PALM2AKAP2: variants seen among roughly 807,000 people sequenced by gnomAD.
PALM2AKAP2 encodes the protein PALM2-AKAP2 fusion protein.
In PALM2AKAP2, 37 loss-of-function variants were observed where a neutral mutation model predicts 71.5. The ratio of observed to expected loss-of-function variants is 0.52; its 90% confidence interval spans 0.40 to 0.68. PALM2AKAP2 has a LOEUF of 0.68. PALM2AKAP2 is among the 30% of genes least tolerant of loss of function. PALM2AKAP2 has a pLI of 0.00. For synonymous variants in PALM2AKAP2, 468 were observed against 478.8 expected (o/e 0.98, Z 0.29); for missense variants, 1,224 against 1,191.8 (o/e 1.03, Z -0.40).
At chr9:109,908,767 G>A (rs989575913) in intron 3 of PALM2AKAP2, among the ~76,000 whole-genome samples, 6 of 151,900 alleles carry the variant, frequency 3.9e-5, no homozygotes, top group African/African-American at 1.5e-4. Flanking sequence ...CCCAGTTTGG[G>A]CATTTGTGAA....
intron 1 of PALM2AKAP2, among the ~76,000 whole-genome samples, chr9:110,101,652 G>A (rs1006306031): frequency 2.6e-5 from 4 of 152,136 alleles, no homozygotes; most frequent in African/African-American, 9.7e-5. Flanking sequence ...GGACATCATT[G>A]GGCAGCTGTT....
chr9:109,848,912 A>G (rs1296267442), intron 1 of PALM2AKAP2, among the ~76,000 whole-genome samples: 1 of 152,130 alleles, frequency 6.6e-6, no homozygotes, highest in Admixed American at 6.5e-5. Context: ...TGTTGACAGA[A>G]CAAGTTGATT....
intron 1 of PALM2AKAP2, among the ~76,000 whole-genome samples, chr9:109,784,996 G>A (rs1826923475): frequency 6.6e-6 from 1 of 152,238 alleles, no homozygotes; most frequent in South Asian, 2.1e-4. Flanking sequence ...GGAAGAAGCT[G>A]TTGTGTCTCA....
intron 2 of PALM2AKAP2, among the ~76,000 whole-genome samples, chr9:110,143,948 GA>G (rs1217031330): frequency 6.6e-6 from 1 of 152,202 alleles, no homozygotes; most frequent in Admixed American, 6.5e-5. Flanking sequence ...TGTCTGTTTA[GA>G]TAAGATTAGA....
chr9:109,868,254 C>T (rs372535896), intron 2 of PALM2AKAP2, among the ~76,000 whole-genome samples: 51 of 152,136 alleles, frequency 3.4e-4, no homozygotes, highest in African/African-American at 8.4e-4. Context: ...ACTTAAGCAT[C>T]GTAATTGATT....
chr9:109,933,232 A>G (rs1034084701), intron 6 of PALM2AKAP2, among the ~76,000 whole-genome samples: 2 of 152,216 alleles, frequency 1.3e-5, no homozygotes, highest in African/African-American at 2.4e-5. Flanking sequence ...TTATGCTTCA[A>G]AGGACTCACT....
chr9:110,149,406 T>C (rs1470532431), intron 2 of PALM2AKAP2, among the ~76,000 whole-genome samples: 1 of 152,266 alleles, frequency 6.6e-6, no homozygotes, highest in African/African-American at 2.4e-5. Context: ...TTACCTGCTT[T>C]TCTCAGCGTG....
chr9:109,916,175 C>G (rs1159988097), intron 3 of PALM2AKAP2, among the ~76,000 whole-genome samples: 1 of 152,188 alleles, frequency 6.6e-6, no homozygotes, highest in Non-Finnish European at 1.5e-5. Context: ...AACTCCTGAC[C>G]TCAAGTGATC....
At chr9:109,737,016 T>C (rs907541546) in intron 1 of PALM2AKAP2, among the ~76,000 whole-genome samples, 3 of 152,190 alleles carry the variant, frequency 2.0e-5, no homozygotes, top group Admixed American at 2.0e-4. Context: ...TAGAAAGCAT[T>C]TGAAAATTGA....
intron 1 of PALM2AKAP2, among the ~76,000 whole-genome samples, chr9:109,842,341 C>T (rs1288844832): frequency 1.3e-5 from 2 of 152,170 alleles, no homozygotes; most frequent in Non-Finnish European, 2.9e-5. Flanking sequence ...GCTGCGTGTT[C>T]TGGGCATGTC....
chr9:110,158,489 A>G (rs1308688421), intron 3 of PALM2AKAP2, among the ~76,000 whole-genome samples: 1 of 152,226 alleles, frequency 6.6e-6, no homozygotes, highest in African/African-American at 2.4e-5. Context: ...ACAGAAGGGT[A>G]GAGGCAGTTC....
chr9:109,891,761 G>A (rs1830095166), intron 3 of PALM2AKAP2, among the ~76,000 whole-genome samples: 1 of 152,118 alleles, frequency 6.6e-6, no homozygotes, highest in East Asian at 1.9e-4. Context: ...AAAGTGCTGG[G>A]ATTACAGGTG....
chr9:110,161,682 G>A lies in PALM2AKAP2; in HGVS notation c.2748+5185G>A, dbSNP rs772338240. Among the ~76,000 whole-genome samples, 13 of 152,054 alleles carry A rather than the reference G, an allele frequency of 8.5e-5. No individual in the cohort carries two copies. In the South Asian group the frequency reaches 1.7e-3, roughly 19 times the overall value. On this transcript the variant is annotated intron_variant, in intron 3 of 3. Coordinates refer to ENST00000374525, the Ensembl canonical transcript of PALM2AKAP2. ...TTAATGGAACAACAGGTTACAAGAC[G>A]GCTTTGGGGTTCAGAGAAGCCTACG...
At chr9:109,999,857 G>A (rs1183379604) in intron 6 of PALM2AKAP2, among the ~76,000 whole-genome samples, 3 of 152,172 alleles carry the variant, frequency 2.0e-5, no homozygotes, top group East Asian at 3.9e-4. Context: ...CCACCAAGGA[G>A]GAGCTGGCAG....
At chr9:109,771,634 A>G (rs1005257517) in intron 1 of PALM2AKAP2, among the ~76,000 whole-genome samples, 3 of 152,196 alleles carry the variant, frequency 2.0e-5, no homozygotes, top group African/African-American at 7.2e-5. Context: ...TCTAACAGAG[A>G]ACTCTCTGAT....
chr9:110,149,413 C>A (rs1408483978), intron 2 of PALM2AKAP2, among the ~76,000 whole-genome samples: 1 of 152,152 alleles, frequency 6.6e-6, no homozygotes, highest in African/African-American at 2.4e-5. Flanking sequence ...CTTTTCTCAG[C>A]GTGGGCTAAT....
chr9:109,848,603 G>A (rs969153883), intron 1 of PALM2AKAP2, among the ~76,000 whole-genome samples: 1 of 152,122 alleles, frequency 6.6e-6, no homozygotes, highest in East Asian at 1.9e-4. Flanking sequence ...AGCCTGGGCC[G>A]TGCCCATTCA....
chr9:109,868,470 A>C (rs1187202206), intron 2 of PALM2AKAP2, among the ~76,000 whole-genome samples: 1 of 152,134 alleles, frequency 6.6e-6, no homozygotes, highest in Non-Finnish European at 1.5e-5. Context: ...ACAGAGCTGC[A>C]TTGCTCAGAG....
At chr9:109,847,094 C>T (rs946549854) in intron 1 of PALM2AKAP2, among the ~76,000 whole-genome samples, 10 of 152,028 alleles carry the variant, frequency 6.6e-5, no homozygotes, top group African/African-American at 2.2e-4. Context: ...GCATCAAATC[C>T]CTGGGACCTA....
Sources: allele counts gnomAD v4.1 joint callset (sites outside exome capture counted in the v4.1 genomes callset), GRCh38; gene constraint gnomAD v4.1.1; transcripts MANE v1.5; gene names NCBI Gene and HGNC (gene_info 2026-07-23, HGNC 2026-07-21).